Variants in CCDC3 observed in about 807,000 individuals in gnomAD.
The protein encoded by CCDC3 is coiled-coil domain-containing protein 3.
In CCDC3, 24 loss-of-function variants were observed where a neutral mutation model predicts 21.4. That is an observed-to-expected ratio of 1.12 (90% confidence interval 0.81 to 1.58). The LOEUF is 1.58. Among genes scored for constraint, CCDC3 ranks in the 40% most tolerant of loss-of-function variants. CCDC3 has a pLI of 0.00. For synonymous variants in CCDC3, 186 were observed against 166.0 expected, an observed-to-expected ratio of 1.12 and a Z score of -0.93; for missense variants, 425 against 360.9, an observed-to-expected ratio of 1.18 and a Z score of -1.44.
At chr10:13,066,651 G>A (rs556642302) in intron 4 of CCDC3, among the ~76,000 whole-genome samples, 2 of 152,108 alleles carry the variant, frequency 1.3e-5, no homozygotes, top group Non-Finnish European at 2.9e-5. Flanking sequence ...GAGAACCTCC[G>A]ACCCACCCCA....
At chr10:13,078,392 A>G (rs1436886106) in intron 3 of CCDC3, among the ~76,000 whole-genome samples, 1 of 152,230 alleles carries the variant, frequency 6.6e-6, no homozygotes, top group Non-Finnish European at 1.5e-5. Flanking sequence ...AGAAATAGGA[A>G]CACTTTTATA....
In CCDC3 at chr10:13,050,775, C is replaced by T. The variant is rs146495047; in HGVS notation, c.-269-834G>A. 6.3e-3 allele frequency among the ~76,000 whole-genome samples: 949 copies of T among 151,720 alleles called. 11 individuals carry two copies. The highest frequency in any genetic ancestry group is 0.021 in the African/African-American group (860 of 41,410). ...CGCCCAGCCTGTATTTATTCTTTAT[C>T]ATTACGTTTTAGTTTGTTTTTTATT... On this transcript the variant is annotated intron_variant, in intron 4 of 6. Coordinates refer to the CCDC3 transcript ENST00000378839.
intron 3 of CCDC3, among the ~76,000 whole-genome samples, chr10:13,083,351 G>GA (rs1335305048): frequency 3.3e-5 from 5 of 152,140 alleles, no homozygotes. Context: ...GTTTGCAGAG[G>GA]AAAAAACTAT....
intron 2 of CCDC3, among the ~76,000 whole-genome samples, chr10:12,920,910 C>G (rs1186848587): frequency 6.6e-6 from 1 of 152,214 alleles, no homozygotes; most frequent in Non-Finnish European, 1.5e-5. Flanking sequence ...AACTTGAGGT[C>G]TTCAAATAAG....
At chr10:12,952,237 C>T (rs1835018967) in intron 2 of CCDC3, among the ~76,000 whole-genome samples, 1 of 152,218 alleles carries the variant, frequency 6.6e-6, no homozygotes, top group Non-Finnish European at 1.5e-5. Flanking sequence ...TGGTTCACTG[C>T]TCCATCCTCA....
At chr10:12,912,563 GT>G (rs1014335419) in intron 2 of CCDC3, among the ~76,000 whole-genome samples, 1 of 151,406 alleles carries the variant, frequency 6.6e-6, no homozygotes, top group Non-Finnish European at 1.5e-5. Flanking sequence ...TTTCGTAGGT[GT>G]TTTTTTCACT....
chr10:12,907,685 T>C (rs956162550), intron 2 of CCDC3, among the ~76,000 whole-genome samples: 8 of 152,136 alleles, frequency 5.3e-5, no homozygotes, highest in African/African-American at 1.9e-4. Context: ...CGATTTGTTC[T>C]GGTAAGATCT....
Position 12,928,465 on chromosome 10 carries a change from G to A in CCDC3, c.550-29786C>T, listed in dbSNP as rs1470675027. On this transcript the variant is annotated intron_variant, in intron 2 of 2. Coordinates refer to ENST00000378825, the MANE Select transcript of CCDC3 (RefSeq NM_031455.4). Reference sequence around the variant, plus strand: ...TCCTCAATAGGCTACATCAGCAGTTGAAGAAGTGAACCAATACCAGCTCAT... The same window carrying A: ...TCCTCAATAGGCTACATCAGCAGTTAAAGAAGTGAACCAATACCAGCTCAT... Among the ~76,000 whole-genome samples, 4 of 152,172 alleles carry A rather than the reference G, an allele frequency of 2.6e-5. No homozygotes were observed. The East Asian group carries it at 7.7e-4, about 29-fold the overall frequency.
intron 2 of CCDC3, among the ~76,000 whole-genome samples, chr10:12,927,282 G>A (rs957065956): frequency 6.6e-6 from 1 of 152,104 alleles, no homozygotes; most frequent in Non-Finnish European, 1.5e-5. Flanking sequence ...GCATTTTTAA[G>A]GACATGTCAG....
intron 4 of CCDC3, chr10:13,058,825 G>T: frequency 5.1e-6 from 1 of 195,566 alleles, no homozygotes; most frequent in Non-Finnish European, 1.0e-5. Flanking sequence ...AGAGTTTCTA[G>T]CTTGGCACAG....
chr10:13,027,899 G>A lies in CCDC3; in HGVS notation c.-2+21775C>T, dbSNP rs183894005. On this transcript the variant is annotated intron_variant, in intron 5 of 6. Coordinates refer to the CCDC3 transcript ENST00000378839. ...TCATAGTTACACATGGAAAATGTCT[G>A]ACCCAGAATATAGATCCCACATCCT... 3.9e-5 allele frequency among the ~76,000 whole-genome samples: 6 copies of A among 152,214 alleles called. No individual in the cohort carries two copies. The East Asian group carries it at 9.6e-4, about 24-fold the overall frequency.
chr10:12,898,342 T>C lies in CCDC3; in HGVS notation c.*74A>G, dbSNP rs981721553. ...AAACTCTTACAACCCTTGAAATAGC[T>C]GCATGTACGAAACCTCACTCATTCT... is the stretch of plus-strand genomic sequence containing the variant. On this transcript the variant is annotated 3_prime_UTR_variant, in exon 3 of 3. Transcript: ENST00000378825. 2.8e-6 allele frequency: 4 copies of C among 1,412,864 alleles called. No homozygotes were observed. In the African/African-American group the frequency reaches 5.7e-5, roughly 20 times the overall value. 87.5% of individuals were successfully genotyped at this position (1,412,864 alleles called of 1,614,324 possible). A position where few individuals can be genotyped will look rare whatever the true frequency, so the allele number is the denominator to read the frequency against.
chr10:12,927,390 C>G (rs1834559948), intron 2 of CCDC3, among the ~76,000 whole-genome samples: 1 of 152,184 alleles, frequency 6.6e-6, no homozygotes, highest in Non-Finnish European at 1.5e-5. Flanking sequence ...AACAATTGCT[C>G]AATACTAGCT....
At position 12,898,523 on chromosome 10, in the gene CCDC3, G is replaced by A. The variant is rs759608297; in HGVS notation, c.706C>T (p.Arg236Cys). 3.0e-5 allele frequency: 49 copies of A among 1,614,050 alleles called. No individual in the cohort carries two copies. Among genetic ancestry groups the A allele is most frequent in the Non-Finnish European group, 3.4e-5 (40 of 1,180,028 alleles). ...TTCTGGTTCGCCAGCTCCAGGTGGC[G>A]GCCCTTCTTACGCGCCTGCCGCAAG... ...RSLRQARKKG[R>C]HLELANQKLS... The change falls in exon 3 of 3, where the codon CGC (arginine) becomes TGC (cysteine). Residue 236 changes from arginine to cysteine, a missense_variant. Physicochemically the swap from Arg to Cys is radical, Grantham distance 180. Coordinates refer to ENST00000378825, the MANE Select transcript of CCDC3 (RefSeq NM_031455.4).
At chr10:12,948,898 A>AT (rs11411162) in intron 2 of CCDC3, among the ~76,000 whole-genome samples, 96,171 of 150,844 alleles carry the variant, frequency 0.64, 32,319 homozygotes, top group Non-Finnish European at 0.75. Context: ...TGCCCGGCTA[A>AT]TTTTTTGTAT....
chr10:12,979,217 A>G (rs1835461155), intron 2 of CCDC3, among the ~76,000 whole-genome samples: 1 of 152,180 alleles, frequency 6.6e-6, no homozygotes, highest in Non-Finnish European at 1.5e-5. Context: ...GACAAGGGCA[A>G]GACCAGACAT....
At chr10:12,911,138 T>G (rs898374688) in intron 2 of CCDC3, among the ~76,000 whole-genome samples, 8 of 152,230 alleles carry the variant, frequency 5.3e-5, no homozygotes, top group African/African-American at 1.9e-4. Context: ...GGTTCCTGTG[T>G]CATCTCTGCA....
intron 2 of CCDC3, among the ~76,000 whole-genome samples, chr10:12,914,210 A>G (rs951870425): frequency 1.2e-4 from 18 of 151,972 alleles, no homozygotes; most frequent in African/African-American, 4.4e-4. Context: ...AGATCCTGTG[A>G]TTTTCTTTGA....
chr10:12,942,633 C>T (rs1289349941), intron 2 of CCDC3, among the ~76,000 whole-genome samples: 1 of 152,194 alleles, frequency 6.6e-6, no homozygotes. Context: ...GTAGAGACCC[C>T]ATCTGCATAA....
Sources: allele counts gnomAD v4.1 joint callset (sites outside exome capture counted in the v4.1 genomes callset), GRCh38; gene constraint gnomAD v4.1.1; transcripts MANE v1.5; gene names NCBI Gene and HGNC (gene_info 2026-07-23, HGNC 2026-07-21).